Variants in ARHGAP44 observed in about 807,000 individuals in gnomAD.
The protein encoded by ARHGAP44 is rho GTPase-activating protein 44.
Under a neutral mutation model 106.8 loss-of-function variants are expected in ARHGAP44, and 43 were observed. The observed-to-expected ratio is 0.40, with a 90% CI of 0.32 to 0.52. The LOEUF (loss-of-function observed/expected upper bound fraction) is 0.52. ARHGAP44 is among the 20% of genes least tolerant of loss of function. The probability of loss-of-function intolerance (pLI) is 0.48; values close to 1 mark genes in which losing one functional copy is unlikely to be tolerated. For synonymous variants in ARHGAP44, 439 were observed against 410.3 expected, an observed-to-expected ratio of 1.07 and a Z score of -0.85; for missense variants, 866 against 1,050.5, an observed-to-expected ratio of 0.82 and a Z score of 2.43.
intron 1 of ARHGAP44, among the ~76,000 whole-genome samples, chr17:12,826,162 A>G (rs62060425): frequency 0.048 from 7,289 of 152,094 alleles, 215 homozygotes; most frequent in African/African-American, 0.087. Flanking sequence ...GTTTGTACAG[A>G]TTATTTTATC....
At chr17:12,803,925 G>A (rs2034195467) in intron 1 of ARHGAP44, among the ~76,000 whole-genome samples, 1 of 152,068 alleles carries the variant, frequency 6.6e-6, no homozygotes, top group Non-Finnish European at 1.5e-5. Context: ...AAGAAAACTC[G>A]TGATCATTTG....
chr17:12,803,881 A>G (rs969157295), intron 1 of ARHGAP44, among the ~76,000 whole-genome samples: 1 of 151,768 alleles, frequency 6.6e-6, no homozygotes, highest in African/African-American at 2.4e-5. Context: ...TACAATCTAT[A>G]TTTGTATTTA....
At chr17:12,791,520 C>T (rs936636628) in intron 1 of ARHGAP44, among the ~76,000 whole-genome samples, 2 of 152,208 alleles carry the variant, frequency 1.3e-5, no homozygotes, top group Non-Finnish European at 2.9e-5. Context: ...CTTGGGGTTT[C>T]AGTGCCGTGC....
chr17:12,924,737 C>T (rs1003987842), intron 6 of ARHGAP44, among the ~76,000 whole-genome samples: 2 of 152,140 alleles, frequency 1.3e-5, no homozygotes, highest in Non-Finnish European at 2.9e-5. Flanking sequence ...TCTCTCTCTA[C>T]ACGCACTCAG....
chr17:12,813,374 G>A (rs1479904811), intron 1 of ARHGAP44, among the ~76,000 whole-genome samples: 1 of 151,994 alleles, frequency 6.6e-6, no homozygotes, highest in South Asian at 2.1e-4. Context: ...AGATAAGAAG[G>A]AAGAGAGAAA....
chr17:12,896,607 C>A, intron 3 of ARHGAP44, 96 bp downstream of exon 3: 1 of 1,062,172 alleles, frequency 9.4e-7, no homozygotes, highest in Non-Finnish European at 1.4e-6. Context: ...GTTTATGTAG[C>A]TGCTTACGTG....
At chr17:12,885,655 A>ATTT (rs1369175857) in intron 1 of ARHGAP44, among the ~76,000 whole-genome samples, 3 of 152,140 alleles carry the variant, frequency 2.0e-5, no homozygotes, top group Non-Finnish European at 4.4e-5. Context: ...TTTTCTGCTT[A>ATTT]TCTGTCTTCA....
At chr17:12,865,970 TAATGAC>T (rs1399166088) in intron 1 of ARHGAP44, among the ~76,000 whole-genome samples, 1 of 152,162 alleles carries the variant, frequency 6.6e-6, no homozygotes, top group Non-Finnish European at 1.5e-5. Context: ...AGTCATTACT[TAATGAC>T]AAAGACAAAC....
chr17:12,964,500 G>T (rs754650823), intron 16 of ARHGAP44, among the ~76,000 whole-genome samples: 1 of 152,206 alleles, frequency 6.6e-6, no homozygotes, highest in Non-Finnish European at 1.5e-5. Flanking sequence ...GAAGCGACAG[G>T]CTGGGCGCAG....
At chr17:12,836,110 ATC>A (rs904697627) in intron 1 of ARHGAP44, among the ~76,000 whole-genome samples, 67 of 152,136 alleles carry the variant, frequency 4.4e-4, no homozygotes, top group African/African-American at 1.5e-3. Flanking sequence ...GGGTGTGCAA[ATC>A]TCTCTTCCAG....
rs2072255 is a variant in ARHGAP44, at chr17:12,949,075, G to A, written c.862-65G>A. On this transcript the variant is annotated intron_variant, in intron 10 of 20. Transcript: ENST00000379672. The surrounding 1 kb of genome is among the most constrained non-coding windows in gnomAD (Gnocchi z 4.1). ...TGGAGAAAAGAAGCAGGCAGTTGCG[G>A]GGTCTCTGCGCTTTGATGTTGTACC... 0.093 allele frequency: 134,061 copies of A among 1,437,480 alleles called. 6,990 individuals carry two copies. Among genetic ancestry groups the A allele is most frequent in the East Asian group, 0.18 (7,248 of 40,078 alleles). The allele number at this position is 1,437,480 out of a possible 1,614,324, so 89.0% of individuals were successfully genotyped here. A position where few individuals can be genotyped will look rare whatever the true frequency, so the allele number is the denominator to read the frequency against.
intron 1 of ARHGAP44, among the ~76,000 whole-genome samples, chr17:12,812,478 G>A (rs376275943): frequency 9.9e-5 from 15 of 152,230 alleles, no homozygotes; most frequent in African/African-American, 3.4e-4. Flanking sequence ...TTTACTCCTC[G>A]AAACATTACT....
rs752764904 is a variant in ARHGAP44 at position 12,990,113 on chromosome 17, G to C, written c.2399G>C (p.Arg800Pro). The C allele has an allele frequency of 2.5e-6, 4 of 1,613,340 alleles. No homozygotes were observed. In the African/African-American group the frequency reaches 5.3e-5, roughly 22 times the overall value. ...LRLSPLEHMR[R>P]HSVTDKRDSE... is the part of the protein sequence containing the mutation. ...CTGAGTCCCCTGGAGCACATGCGGC[G>C]ACACTCAGTAACTGACAAGAGGGAC... The change falls in exon 21 of 21, where the codon CGA (arginine) becomes CCA (proline). Residue 800 changes from arginine to proline, a missense_variant. This residue lies in a region of ARHGAP44 where 418 missense variants were observed against 403.6 expected (regional missense o/e 1.04). Transcript: ENST00000379672.
chr17:12,859,694 C>T (rs1221283298), intron 1 of ARHGAP44, among the ~76,000 whole-genome samples: 3 of 152,194 alleles, frequency 2.0e-5, no homozygotes, highest in Non-Finnish European at 2.9e-5. Context: ...GTATAATACA[C>T]ACAGATGCAA....
chr17:12,901,124 A>G (rs1273007354), intron 3 of ARHGAP44, among the ~76,000 whole-genome samples: 2 of 151,954 alleles, frequency 1.3e-5, no homozygotes, highest in African/African-American at 2.4e-5. Flanking sequence ...GGGTTTCACC[A>G]TGTTGGCCAG....
chr17:12,893,811 G>A (rs2037119833), intron 1 of ARHGAP44, among the ~76,000 whole-genome samples: 1 of 152,088 alleles, frequency 6.6e-6, no homozygotes, highest in Non-Finnish European at 1.5e-5. Flanking sequence ...GCTTTTGTTG[G>A]GGTTTGTTTT....
intron 18 of ARHGAP44, among the ~76,000 whole-genome samples, chr17:12,977,991 T>C (rs2039729697): frequency 8.1e-6 from 1 of 123,828 alleles, no homozygotes; most frequent in Admixed American, 1.1e-4. Flanking sequence ...TGAGCTGAGA[T>C]CATGGCACTA....
intron 1 of ARHGAP44, among the ~76,000 whole-genome samples, chr17:12,821,611 T>C (rs1370663522): frequency 6.6e-6 from 1 of 152,214 alleles, no homozygotes; most frequent in Non-Finnish European, 1.5e-5. Context: ...GCCATTGCAG[T>C]GCCTGAGCAT....
At chr17:12,856,291 A>T (rs185443253) in intron 1 of ARHGAP44, among the ~76,000 whole-genome samples, 1 of 152,026 alleles carries the variant, frequency 6.6e-6, no homozygotes, top group Non-Finnish European at 1.5e-5. Flanking sequence ...ACCTTGTTCA[A>T]TCAACTCTGG....
Sources: gnomAD v4.1 joint callset for allele counts (sites outside exome capture counted in the v4.1 genomes callset) on GRCh38, gnomAD v4.1.1 for gene constraint, gnomAD v4.1.1 regional missense constraint, Gnocchi (gnomAD v3.1) non-coding constraint, MANE v1.5 for transcripts, NCBI Gene and HGNC (gene_info 2026-07-23, HGNC 2026-07-21) for gene names.